Variants in IMPG1 observed in about 807,000 individuals in gnomAD.
The protein encoded by IMPG1 is interphotoreceptor matrix proteoglycan of 150 kDa.
In IMPG1, 85 loss-of-function variants were observed where a neutral mutation model predicts 92.0. The observed-to-expected ratio is 0.92, with a 90% CI of 0.78 to 1.11. IMPG1 has a LOEUF of 1.11. IMPG1 is among the 50% of genes least tolerant of loss of function. The probability of loss-of-function intolerance (pLI) is 0.00; values close to 1 mark genes in which losing one functional copy is unlikely to be tolerated. For missense variants in IMPG1, 1,022 were observed against 956.0 expected (o/e 1.07, Z -0.91); for synonymous variants, 367 against 334.1 (o/e 1.10, Z -1.08).
At chr6:76,070,835 G>A (rs1055105336) in intron 1 of IMPG1, among the ~76,000 whole-genome samples, 2 of 152,066 alleles carry the variant, frequency 1.3e-5, no homozygotes, top group Admixed American at 6.6e-5. Flanking sequence ...GAGTGGAAGG[G>A]GAATGAGGGA....
chr6:76,070,212 C>A (rs545826203), intron 1 of IMPG1, among the ~76,000 whole-genome samples: 3 of 152,230 alleles, frequency 2.0e-5, no homozygotes, highest in South Asian at 4.1e-4. Flanking sequence ...AAATGGCCAA[C>A]AAACATATGA....
intron 2 of IMPG1, among the ~76,000 whole-genome samples, chr6:76,035,855 G>T (rs1783734721): frequency 6.6e-6 from 1 of 152,202 alleles, no homozygotes; most frequent in Non-Finnish European, 1.5e-5. Context: ...TTGAGAAAGG[G>T]AGTGAACTGA....
intron 12 of IMPG1, among the ~76,000 whole-genome samples, chr6:75,983,404 A>T (rs1353925922): frequency 1.3e-5 from 2 of 152,158 alleles, no homozygotes; most frequent in Non-Finnish European, 2.9e-5. Context: ...TAGAATAGAG[A>T]GCCCAGAAAT....
At chr6:76,007,875 T>G (rs1783124073) in intron 8 of IMPG1, among the ~76,000 whole-genome samples, 1 of 152,212 alleles carries the variant, frequency 6.6e-6, no homozygotes, top group Non-Finnish European at 1.5e-5. Flanking sequence ...CAGAACATTT[T>G]AAAAAAGTAT....
intron 8 of IMPG1, among the ~76,000 whole-genome samples, chr6:76,010,634 T>G (rs1783168034): frequency 6.6e-6 from 1 of 152,170 alleles, no homozygotes; most frequent in Non-Finnish European, 1.5e-5. Context: ...ACATAAAAGG[T>G]ATATTTTAGA....
At chr6:76,055,426 TATC>T (rs1784104906) in intron 1 of IMPG1, among the ~76,000 whole-genome samples, 1 of 151,988 alleles carries the variant, frequency 6.6e-6, no homozygotes, top group Non-Finnish European at 1.5e-5. Context: ...GGTAAAATGA[TATC>T]ATCAAAATGT....
Position 76,072,641 on chromosome 6 carries a change from T to C in IMPG1, c.-153A>G, listed in dbSNP as rs1784420113. 1.8e-6 allele frequency: 1 copy of C among 542,480 alleles called. No individual in the cohort carries two copies. Among genetic ancestry groups the C allele is most frequent in the Non-Finnish European group, 3.2e-6 (1 of 308,710 alleles). 33.6% of individuals were successfully genotyped at this position (542,480 alleles called of 1,614,324 possible). On this transcript the variant is annotated 5_prime_UTR_variant, in exon 1 of 17. Coordinates refer to ENST00000369950, the MANE Select transcript of IMPG1 (RefSeq NM_001563.4). ...TTACCTTTATGAGGGTGTTAATTTA[T>C]GAAGAACATGTAGCAGTGTCTGTTT...
chr6:75,986,649 T>C (rs1306720664), intron 12 of IMPG1, among the ~76,000 whole-genome samples: 4 of 152,142 alleles, frequency 2.6e-5, no homozygotes, highest in Non-Finnish European at 4.4e-5. Context: ...GGCTGAAATA[T>C]ATCATTACTG....
At chr6:75,974,451 T>TCCTTCCTTCCTTCCGTCCTTCCTC (rs1224036118) in intron 12 of IMPG1, among the ~76,000 whole-genome samples, 1 of 133,048 alleles carries the variant, frequency 7.5e-6, no homozygotes, top group Non-Finnish European at 1.6e-5. Context: ...CTTCCTTCCT[T>TCCTTCCTTCCTTCCGTCCTTCCTC]CTTTCTTCTT....
rs77209212 is a variant in IMPG1 at position 76,002,092 on chromosome 6, A to G, written c.1291+826T>C. Among the ~76,000 whole-genome samples the G allele has an allele frequency of 8.8e-3, 1,334 of 152,258 alleles. 24 individuals carry two copies. Among genetic ancestry groups the G allele is most frequent in the African/African-American group, 0.03 (1,265 of 41,534 alleles). ...ATATACCAGTCATTGCAAATCTCCA[A>G]TGGCATTTGTACTTATAATCACAGT... is the stretch of plus-strand genomic sequence containing the variant. On this transcript the variant is annotated intron_variant, in intron 12 of 16. Transcript: ENST00000369950.
intron 1 of IMPG1, among the ~76,000 whole-genome samples, chr6:76,050,049 C>A (rs1784010654): frequency 6.6e-6 from 1 of 152,158 alleles, no homozygotes; most frequent in Non-Finnish European, 1.5e-5. Flanking sequence ...TAAACACTTT[C>A]AAACATTACT....
rs1391175123 is a variant in IMPG1, at chr6:76,051,979, A to T, written c.68-9853T>A. Among the ~76,000 whole-genome samples, 7 of 151,542 alleles carry T rather than the reference A, an allele frequency of 4.6e-5. No individual in the cohort carries two copies. The South Asian group carries it at 1.5e-3, about 32-fold the overall frequency. ...CTGAGCCCTACCTCATTGCACACAC[A>T]CAAGAAAAAAAAAAAGAAAGAAAAG... On this transcript the variant is annotated intron_variant, in intron 1 of 16. Transcript: ENST00000369950.
intron 12 of IMPG1, among the ~76,000 whole-genome samples, chr6:75,993,629 C>G (rs1246520311): frequency 6.6e-6 from 1 of 152,162 alleles, no homozygotes; most frequent in Admixed American, 6.5e-5. Context: ...ACCTAATTAC[C>G]TTCCAAATAC....
chr6:76,035,239 A>T (rs1783720020), intron 2 of IMPG1, among the ~76,000 whole-genome samples: 2 of 152,020 alleles, frequency 1.3e-5, no homozygotes, highest in South Asian at 4.1e-4. Flanking sequence ...GTGGTGGCTA[A>T]TGCCTGTAAT....
chr6:76,039,783 T>C (rs1253972639), intron 2 of IMPG1, among the ~76,000 whole-genome samples: 1 of 152,114 alleles, frequency 6.6e-6, no homozygotes, highest in Non-Finnish European at 1.5e-5. Flanking sequence ...GGGCACAGAG[T>C]TCAGCCTGTA....
At chr6:75,958,486 A>G (rs1267263568) in intron 12 of IMPG1, among the ~76,000 whole-genome samples, 3 of 152,132 alleles carry the variant, frequency 2.0e-5, no homozygotes, top group Non-Finnish European at 2.9e-5. Flanking sequence ...GCATTTTCCA[A>G]CTTGGTTCCA....
chr6:76,047,803 C>T (rs186099563), intron 1 of IMPG1, among the ~76,000 whole-genome samples: 22 of 152,244 alleles, frequency 1.4e-4, no homozygotes, highest in Admixed American at 1.4e-3. Context: ...TGCCCGCATC[C>T]ATTATTGCAA....
intron 1 of IMPG1, among the ~76,000 whole-genome samples, chr6:76,055,097 T>G (rs1466772478): frequency 2.6e-5 from 4 of 151,952 alleles, no homozygotes; most frequent in African/African-American, 9.7e-5. Context: ...AGGCATCATA[T>G]CTACAAGCTA....
intron 1 of IMPG1, among the ~76,000 whole-genome samples, chr6:76,044,516 C>T (rs1582126805): frequency 2.0e-5 from 3 of 152,120 alleles, no homozygotes; most frequent in East Asian, 3.9e-4. Flanking sequence ...AGTCTTTGTT[C>T]CTTTGGGGCT....
Sources: gnomAD v4.1 joint callset for allele counts (sites outside exome capture counted in the v4.1 genomes callset) on GRCh38, gnomAD v4.1.1 for gene constraint, MANE v1.5 for transcripts, NCBI Gene and HGNC (gene_info 2026-07-23, HGNC 2026-07-21) for gene names.